CAMK2D: variants seen among roughly 807,000 people sequenced by gnomAD.
CAMK2D encodes calcium/calmodulin-dependent protein kinase type II subunit delta.
A neutral mutation model predicts 84.0 loss-of-function variants in CAMK2D; 37 were observed. That is an observed-to-expected ratio of 0.44 (90% CI 0.34 to 0.58). CAMK2D has a LOEUF of 0.58. Ranked by LOEUF, CAMK2D falls within the 20% of genes least tolerant of loss-of-function variation. CAMK2D has a pLI of 0.02. For synonymous variants in CAMK2D, 202 were observed against 212.5 expected (o/e 0.95, Z 0.43); for missense variants, 448 against 652.5 (o/e 0.69, Z 3.41).
At chr4:113,573,163 C>T in intron 4 of CAMK2D, among the ~76,000 whole-genome samples, 1 of 152,158 alleles carries the variant, frequency 6.6e-6, no homozygotes, top group African/African-American at 2.4e-5. Context: ...ATCTATGTAA[C>T]AAACCTTCAA....
At chr4:113,503,045 A>T (rs944728498) in intron 14 of CAMK2D, 68 bp from the exon 15 acceptor site, 2 of 1,136,160 alleles carry the variant, frequency 1.8e-6, no homozygotes, top group Non-Finnish European at 2.7e-6. Context: ...AGTGTGAAGG[A>T]CAGAGCAGAG....
intron 2 of CAMK2D, chr4:113,754,663 C>T: frequency 1.0e-6 from 1 of 973,560 alleles, no homozygotes; most frequent in Non-Finnish European, 1.2e-6. Flanking sequence ...TCTATTATTT[C>T]CTGGAAGTGT....
chr4:113,484,330 C>G (rs918750945), intron 16 of CAMK2D, among the ~76,000 whole-genome samples: 1 of 152,162 alleles, frequency 6.6e-6, no homozygotes, highest in African/African-American at 2.4e-5. Flanking sequence ...GTCTCTATCT[C>G]TCTCTAAGAA....
At chr4:113,735,467 C>CT (rs75259360) in intron 2 of CAMK2D, among the ~76,000 whole-genome samples, 1 of 151,516 alleles carries the variant, frequency 6.6e-6, no homozygotes, top group African/African-American at 2.4e-5. Flanking sequence ...AGAGTGAGAC[C>CT]GTCTCAAAAA....
At position 113,498,315 on chromosome 4, in the gene CAMK2D, G is replaced by C. The variant is rs554166982; in HGVS notation, c.1135+2148C>G. 1.6e-4 allele frequency among the ~76,000 whole-genome samples: 24 copies of C among 152,192 alleles called. No individual in the cohort carries two copies. In the South Asian group the frequency reaches 5.0e-3, roughly 32 times the overall value. Reference sequence around the variant, plus strand: ...CTTAAGACCATTTTATCTACCACTTGTCCCAGTAAAAATGATGGGGCCTAG... The same window carrying C: ...CTTAAGACCATTTTATCTACCACTTCTCCCAGTAAAAATGATGGGGCCTAG... On this transcript the variant is annotated intron_variant, in intron 16 of 20. Coordinates refer to ENST00000511664, the MANE Select transcript of CAMK2D (RefSeq NM_001321571.2).
intron 2 of CAMK2D, among the ~76,000 whole-genome samples, chr4:113,711,631 C>G (rs934961459): frequency 9.2e-5 from 14 of 152,060 alleles, no homozygotes; most frequent in Non-Finnish European, 4.4e-5. Context: ...TGGAACTAGC[C>G]TTTATGTTGA....
intron 7 of CAMK2D, among the ~76,000 whole-genome samples, chr4:113,535,913 C>A (rs1451092927): frequency 6.6e-6 from 1 of 152,208 alleles, no homozygotes; most frequent in Non-Finnish European, 1.5e-5. Flanking sequence ...CCTCCAGGGT[C>A]AGGACTTCCT....
intron 3 of CAMK2D, among the ~76,000 whole-genome samples, chr4:113,626,367 T>C (rs1327843603): frequency 6.6e-6 from 1 of 152,204 alleles, no homozygotes; most frequent in African/African-American, 2.4e-5. Flanking sequence ...ATCAGAACAT[T>C]ACATGTTGTG....
chr4:113,515,941 A>ATTAC (rs1200648090), intron 9 of CAMK2D, among the ~76,000 whole-genome samples: 1 of 152,178 alleles, frequency 6.6e-6, no homozygotes, highest in African/African-American at 2.4e-5. Context: ...TGTAGTGATA[A>ATTAC]TTACTTAACT....
chr4:113,725,783 G>A (rs72899838), intron 2 of CAMK2D, among the ~76,000 whole-genome samples: 2,644 of 152,160 alleles, frequency 0.017, 86 homozygotes, highest in African/African-American at 0.06. Context: ...AGTTCCAATA[G>A]TTTCAAGTCC....
chr4:113,497,482 A>G (rs965714557), intron 16 of CAMK2D, among the ~76,000 whole-genome samples: 2 of 152,232 alleles, frequency 1.3e-5, no homozygotes, highest in African/African-American at 4.8e-5. Flanking sequence ...CTCCAGACTG[A>G]GGAACCATTA....
At chr4:113,706,286 C>G (rs1261658361) in intron 2 of CAMK2D, among the ~76,000 whole-genome samples, 2 of 152,030 alleles carry the variant, frequency 1.3e-5, no homozygotes, top group African/African-American at 2.4e-5. Flanking sequence ...GTGAAAAACT[C>G]AAATTATAAA....
chr4:113,621,075 C>T (rs1156888362), intron 3 of CAMK2D, among the ~76,000 whole-genome samples: 1 of 152,060 alleles, frequency 6.6e-6, no homozygotes, highest in Non-Finnish European at 1.5e-5. Flanking sequence ...AGGCACACAC[C>T]ACCACACCTG....
At chr4:113,598,441 G>A (rs2098937331) in intron 4 of CAMK2D, among the ~76,000 whole-genome samples, 1 of 151,966 alleles carries the variant, frequency 6.6e-6, no homozygotes, top group Non-Finnish European at 1.5e-5. Flanking sequence ...AAACTTCCCA[G>A]AAAACAAAGG....
intron 2 of CAMK2D, among the ~76,000 whole-genome samples, chr4:113,668,023 C>A (rs1258553077): frequency 1.3e-5 from 2 of 151,980 alleles, no homozygotes; most frequent in African/African-American, 4.8e-5. Flanking sequence ...GCTGGAAGCT[C>A]ATACAAATGT....
rs181388000 is a variant in CAMK2D, at chr4:113,568,490, T to A, written c.276-16394A>T. On this transcript the variant is annotated intron_variant, in intron 4 of 20. Transcript: ENST00000511664. Reference sequence around the variant, plus strand: ...ATGCATTTATCTGTTGATGGACATTTGTGTTGTTTCCACCTTTTGGCTATT... The same window carrying A: ...ATGCATTTATCTGTTGATGGACATTAGTGTTGTTTCCACCTTTTGGCTATT... Among the ~76,000 whole-genome samples, 416 of 152,370 alleles carry A rather than the reference T, an allele frequency of 2.7e-3. 2 individuals carry two copies. Among genetic ancestry groups the A allele is most frequent in the Non-Finnish European group, 4.6e-3 (315 of 68,038 alleles).
chr4:113,726,071 T>C (rs1232223175), intron 2 of CAMK2D, among the ~76,000 whole-genome samples: 2 of 152,106 alleles, frequency 1.3e-5, no homozygotes, highest in African/African-American at 2.4e-5. Flanking sequence ...AAGATGAAAA[T>C]ATTTAAGTTT....
intron 4 of CAMK2D, among the ~76,000 whole-genome samples, chr4:113,581,513 T>TAAAA (rs777730996): frequency 5.3e-4 from 18 of 34,264 alleles, no homozygotes; most frequent in African/African-American, 1.1e-3. Context: ...AACTTTCTCA[T>TAAAA]AAAAAAAAAA....
chr4:113,666,632 T>C (rs544688411), intron 2 of CAMK2D, among the ~76,000 whole-genome samples: 44 of 152,006 alleles, frequency 2.9e-4, no homozygotes, highest in African/African-American at 1.1e-3. Context: ...CACACACACA[T>C]ATAAGCATAA....
Sources: gnomAD v4.1 joint callset for allele counts (sites outside exome capture counted in the v4.1 genomes callset) on GRCh38, gnomAD v4.1.1 for gene constraint, MANE v1.5 for transcripts, NCBI Gene and HGNC (gene_info 2026-07-23, HGNC 2026-07-21) for gene names.